CYYR1: variants seen among roughly 807,000 people sequenced by gnomAD.
The protein encoded by CYYR1 is cysteine and tyrosine-rich protein 1.
CYYR1 carries 14 observed loss-of-function variants against 15.2 expected under a neutral mutation model. The ratio of observed to expected loss-of-function variants is 0.92; its 90% CI spans 0.61 to 1.44. CYYR1 has a LOEUF of 1.44. CYYR1 is among the 40% of genes most tolerant of loss of function. The probability of loss-of-function intolerance (pLI) is 0.00; values close to 1 mark genes in which losing one functional copy is unlikely to be tolerated. For missense variants in CYYR1, 228 were observed against 209.5 expected, an observed-to-expected ratio of 1.09 and a Z score of -0.54; for synonymous variants, 80 against 77.4, an observed-to-expected ratio of 1.03 and a Z score of -0.18.
intron 2 of CYYR1, among the ~76,000 whole-genome samples, chr21:26,543,779 G>A (rs1341820001): frequency 1.3e-5 from 2 of 152,092 alleles, no homozygotes; most frequent in African/African-American, 2.4e-5. Flanking sequence ...GGTTGTGGAC[G>A]TCTGTAATCC....
rs117918931 is a variant in CYYR1 at position 26,559,169 on chromosome 21, C to T, written c.176+7097G>A. On this transcript the variant is annotated intron_variant, in intron 2 of 3. Transcript: ENST00000652641. ...GTATTTGAGCCCAATGGGTATGAGA[C>T]GGTATTTCAATGTTTTAAGTTGGTT... is the stretch of plus-strand genomic sequence containing the variant. Among the ~76,000 whole-genome samples, 251 of 152,196 alleles carry T rather than the reference C, an allele frequency of 1.6e-3. 3 individuals carry two copies. In the East Asian group the frequency reaches 0.043, roughly 26 times the overall value.
intron 2 of CYYR1, among the ~76,000 whole-genome samples, chr21:26,562,727 A>AACACACACACACACACAC (rs58990363): frequency 7.6e-6 from 1 of 131,612 alleles, no homozygotes; most frequent in African/African-American, 2.9e-5. Context: ...TCTCCTCCTA[A>AACACACACACACACACAC]ACACACACAC....
chr21:26,556,404 C>T (rs1979783340), intron 2 of CYYR1, among the ~76,000 whole-genome samples: 1 of 152,060 alleles, frequency 6.6e-6, no homozygotes, highest in Non-Finnish European at 1.5e-5. Flanking sequence ...TGTGGAAGGG[C>T]AGACAGATAT....
At chr21:26,482,465 G>A (rs2065194575) in intron 2 of CYYR1, 3 of 985,066 alleles carry the variant, frequency 3.0e-6, no homozygotes, top group Non-Finnish European at 2.4e-6. Flanking sequence ...TGGTTGTTCC[G>A]AACCTGGAAC....
chr21:26,481,899 ACT>A (rs2065186600), intron 2 of CYYR1, among the ~76,000 whole-genome samples: 1 of 152,024 alleles, frequency 6.6e-6, no homozygotes. Context: ...ATGAGGTAAA[ACT>A]GCATTTCTAT....
At chr21:26,561,436 C>T (rs1241731492) in intron 2 of CYYR1, among the ~76,000 whole-genome samples, 1 of 152,094 alleles carries the variant, frequency 6.6e-6, no homozygotes, top group Non-Finnish European at 1.5e-5. Flanking sequence ...ACCTCAAATG[C>T]CACTCGAAAA....
intron 2 of CYYR1, among the ~76,000 whole-genome samples, chr21:26,540,113 G>T (rs943021441): frequency 1.3e-5 from 2 of 152,188 alleles, no homozygotes; most frequent in African/African-American, 4.8e-5. Context: ...TAGACTATGA[G>T]TTCTTCAAAA....
chr21:26,566,815 C>T (rs1980656138), intron 1 of CYYR1, among the ~76,000 whole-genome samples: 1 of 152,122 alleles, frequency 6.6e-6, no homozygotes, highest in African/African-American at 2.4e-5. Context: ...CTGAGACCAG[C>T]CTGGCCAACA....
Position 26,477,965 on chromosome 21 carries a change from T to C in CYYR1, c.334+2307A>G, listed in dbSNP as rs1032674579. On this transcript the variant is annotated intron_variant, in intron 3 of 3. Transcript: ENST00000652641. The stretch of plus-strand genomic sequence containing the variant: ...TAGTGAGTACATTCCAGGGTGAAAC[T>C]TAAAGTCAATTCCCTAGGGTATTGA... 6.9e-6 allele frequency: 10 copies of C among 1,439,430 alleles called. No individual in the cohort carries two copies. The African/African-American group carries it at 1.3e-4, about 19-fold the overall frequency. The allele number at this position is 1,439,430 out of a possible 1,614,324, so 89.2% of individuals were successfully genotyped here. A position where few individuals can be genotyped will look rare whatever the true frequency, so the allele number is the denominator to read the frequency against.
At chr21:26,515,109 T>G (rs1368288088) in intron 2 of CYYR1, among the ~76,000 whole-genome samples, 1 of 152,232 alleles carries the variant, frequency 6.6e-6, no homozygotes, top group Non-Finnish European at 1.5e-5. Context: ...ATGCATACTC[T>G]GTGTCCTATG....
intron 1 of CYYR1, chr21:26,568,230 T>C (rs1197557341): frequency 6.6e-6 from 1 of 152,248 alleles, no homozygotes; most frequent in Non-Finnish European, 1.5e-5. Context: ...GTTTAATTTA[T>C]TCAAATATTT....
intron 2 of CYYR1, among the ~76,000 whole-genome samples, chr21:26,533,884 C>T (rs1404473928): frequency 2.0e-5 from 3 of 152,152 alleles, no homozygotes; most frequent in Non-Finnish European, 4.4e-5. Context: ...CTTATTCTTT[C>T]ATGGCAGAAG....
At chr21:26,551,308 C>T (rs1979370337) in intron 2 of CYYR1, 1 of 152,644 alleles carries the variant, frequency 6.6e-6, no homozygotes, top group South Asian at 2.1e-4. Flanking sequence ...TAACACAACA[C>T]CCGTTCTGTA....
intron 3 of CYYR1, chr21:26,478,136 C>G (rs1463807521): frequency 7.1e-6 from 11 of 1,548,982 alleles, no homozygotes; most frequent in Non-Finnish European, 9.6e-6. Context: ...AGTTCATATT[C>G]TAGGAAGAGG....
rs143183672 is a variant in CYYR1, at chr21:26,521,360, T to C, written c.177-40931A>G. Among the ~76,000 whole-genome samples, 977 of 152,328 alleles carry C rather than the reference T, an allele frequency of 6.4e-3. 12 individuals carry two copies. Among genetic ancestry groups the C allele is most frequent in the African/African-American group, 0.022 (925 of 41,558 alleles). Reference sequence around the variant, plus strand: ...CCAGACTGATATTGCTTTACATGTATACGAAAGACATCTGGTTAAATCAAA... The same window carrying C: ...CCAGACTGATATTGCTTTACATGTACACGAAAGACATCTGGTTAAATCAAA... On this transcript the variant is annotated intron_variant, in intron 2 of 3. Coordinates refer to ENST00000652641, the MANE Select transcript of CYYR1 (RefSeq NM_001320768.2).
intron 2 of CYYR1, chr21:26,518,512 C>A (rs1182543436): frequency 6.6e-6 from 1 of 152,416 alleles, no homozygotes; most frequent in African/African-American, 2.4e-5. Flanking sequence ...CTTGGGATGA[C>A]CCTTGCCAGA....
At chr21:26,473,005 A>C (rs755979188) in intron 3 of CYYR1, among the ~76,000 whole-genome samples, 2 of 152,158 alleles carry the variant, frequency 1.3e-5, no homozygotes, top group Non-Finnish European at 2.9e-5. Context: ...AATTATCTAA[A>C]TGTGGCTTAT....
intron 2 of CYYR1, among the ~76,000 whole-genome samples, chr21:26,516,451 TAAA>T (rs1569156728): frequency 6.6e-6 from 1 of 152,220 alleles, no homozygotes; most frequent in Non-Finnish European, 1.5e-5. Flanking sequence ...CTATTGAAGT[TAAA>T]AATCTGAAAT....
chr21:26,486,285 A>AT (rs912239965), intron 2 of CYYR1, among the ~76,000 whole-genome samples: 3 of 151,776 alleles, frequency 2.0e-5, no homozygotes, highest in South Asian at 2.1e-4. Context: ...CCAATCTATC[A>AT]TTTTTTTTCT....
Sources: allele counts gnomAD v4.1 joint callset (sites outside exome capture counted in the v4.1 genomes callset), GRCh38; gene constraint gnomAD v4.1.1; transcripts MANE v1.5; gene names NCBI Gene and HGNC (gene_info 2026-07-23, HGNC 2026-07-21).